The following TDRD7 variants were observed in gnomAD, a reference collection of about 807,000 sequenced individuals.
The protein encoded by TDRD7 is tudor domain containing 7.
A neutral mutation model predicts 109.8 loss-of-function variants in TDRD7; 47 were observed. The observed-to-expected ratio is 0.43, with a 90% CI of 0.34 to 0.55. The LOEUF (loss-of-function observed/expected upper bound fraction) is 0.55, where lower values mean the gene tolerates loss of function less well. TDRD7 is among the 20% of genes least tolerant of loss of function. TDRD7 has a pLI of 0.03. For missense variants in TDRD7, 1,164 were observed against 1,319.2 expected (o/e 0.88, Z 1.82); for synonymous variants, 424 against 457.3 (o/e 0.93, Z 0.93).
intron 1 of TDRD7, among the ~76,000 whole-genome samples, chr9:97,417,666 G>A (rs1827832651): frequency 6.6e-6 from 1 of 152,184 alleles, no homozygotes; most frequent in Non-Finnish European, 1.5e-5. Flanking sequence ...GTGAGCAGTG[G>A]CATTAAACTT....
intron 1 of TDRD7, among the ~76,000 whole-genome samples, chr9:97,427,523 C>G (rs1207129657): frequency 6.6e-6 from 1 of 152,216 alleles, no homozygotes; most frequent in Non-Finnish European, 1.5e-5. Context: ...GCTTAGACTT[C>G]TAACCTAATT....
At chr9:97,423,701 A>T (rs184530074) in intron 1 of TDRD7, among the ~76,000 whole-genome samples, 1 of 152,162 alleles carries the variant, frequency 6.6e-6, no homozygotes, top group African/African-American at 2.4e-5. Flanking sequence ...GCAAAATTTT[A>T]CATTTGTGTC....
intron 8 of TDRD7, among the ~76,000 whole-genome samples, chr9:97,467,096 A>G (rs1828832616): frequency 6.6e-6 from 1 of 152,130 alleles, no homozygotes; most frequent in Admixed American, 6.5e-5. Context: ...CTGGGTCTCT[A>G]GTTGATAGGA....
chr9:97,416,599 G>A (rs1827815205), intron 1 of TDRD7, among the ~76,000 whole-genome samples: 1 of 152,166 alleles, frequency 6.6e-6, no homozygotes, highest in African/African-American at 2.4e-5. Context: ...GAGTGGACAT[G>A]CTCAGAAATA....
At position 97,488,465 on chromosome 9, in the gene TDRD7, A is replaced by G. The variant is rs143278300; in HGVS notation, c.3076+1133A>G. On this transcript the variant is annotated intron_variant, in intron 16 of 16. Transcript: ENST00000355295. ...CTACTAGAATTCAAAGGCAAATCCT[A>G]TGGTAATTGGATATAAAGCAAAAAT... Among the ~76,000 whole-genome samples, 679 of 152,116 alleles carry G rather than the reference A, an allele frequency of 4.5e-3. 5 individuals are homozygous for G. Among genetic ancestry groups the G allele is most frequent in the Middle Eastern group, 0.027 (8 of 294 alleles).
intron 7 of TDRD7, among the ~76,000 whole-genome samples, chr9:97,461,889 C>T (rs1401440639): frequency 2.0e-5 from 3 of 152,144 alleles, no homozygotes; most frequent in Non-Finnish European, 4.4e-5. Context: ...AATTAGAATC[C>T]TTCAATGAAA....
intron 9 of TDRD7, among the ~76,000 whole-genome samples, chr9:97,470,901 A>G (rs1356460085): frequency 3.3e-5 from 5 of 152,218 alleles, no homozygotes. Context: ...TAAAAATTTC[A>G]GCCATCTTAA....
intron 7 of TDRD7, 63 bp downstream of exon 7, chr9:97,460,827 C>T: frequency 6.9e-7 from 1 of 1,449,570 alleles, no homozygotes; most frequent in Non-Finnish European, 9.6e-7. Flanking sequence ...CTATTCTTCA[C>T]ATGGATGTTG....
At chr9:97,451,176 G>C (rs912869688) in intron 6 of TDRD7, among the ~76,000 whole-genome samples, 5 of 152,246 alleles carry the variant, frequency 3.3e-5, no homozygotes, top group African/African-American at 1.2e-4. Flanking sequence ...CTGTAGGGTA[G>C]CAGAGAGGGC....
chr9:97,461,010 G>A (rs1373416170), intron 7 of TDRD7, among the ~76,000 whole-genome samples: 1 of 151,896 alleles, frequency 6.6e-6, no homozygotes, highest in Non-Finnish European at 1.5e-5. Flanking sequence ...GCGTGGTGGC[G>A]GGTGCCTGTA....
At chr9:97,433,028 T>C (rs1052267726) in intron 4 of TDRD7, among the ~76,000 whole-genome samples, 1 of 152,200 alleles carries the variant, frequency 6.6e-6, no homozygotes, top group African/African-American at 2.4e-5. Flanking sequence ...GTGGACCCTT[T>C]ACAGAAAAAG....
chr9:97,430,264 G>A (rs16920185), intron 2 of TDRD7, among the ~76,000 whole-genome samples: 6,696 of 152,138 alleles, frequency 0.044, 198 homozygotes, highest in African/African-American at 0.091. Flanking sequence ...TGGAAGCTCC[G>A]GAGACCCTGC....
intron 1 of TDRD7, among the ~76,000 whole-genome samples, chr9:97,415,919 A>G (rs1293361637): frequency 6.6e-6 from 1 of 152,256 alleles, no homozygotes; most frequent in Non-Finnish European, 1.5e-5. Flanking sequence ...ATCATGAGCC[A>G]CGTAACAAAA....
At chr9:97,472,232 C>A in intron 9 of TDRD7, 61 bp from the exon 10 acceptor site, 1 of 1,401,804 alleles carries the variant, frequency 7.1e-7, no homozygotes, top group Non-Finnish European at 1.0e-6. Flanking sequence ...CACAATCCAT[C>A]TATTCATCTT....
intron 2 of TDRD7, among the ~76,000 whole-genome samples, chr9:97,429,839 T>G (rs1250792355): frequency 6.6e-6 from 1 of 152,188 alleles, no homozygotes; most frequent in Non-Finnish European, 1.5e-5. Context: ...AATGAATGAA[T>G]AGCTGAATGA....
chr9:97,459,470 G>A (rs1828671967), intron 6 of TDRD7, among the ~76,000 whole-genome samples: 1 of 152,160 alleles, frequency 6.6e-6, no homozygotes, highest in African/African-American at 2.4e-5. Context: ...TTAAAACTCA[G>A]GGAGAAAAAT....
chr9:97,465,824 A>G (rs1828814225), intron 8 of TDRD7, among the ~76,000 whole-genome samples: 1 of 152,036 alleles, frequency 6.6e-6, no homozygotes, highest in Admixed American at 6.6e-5. Context: ...GAGGGAGAGA[A>G]AGTCTTTTCT....
intron 12 of TDRD7, among the ~76,000 whole-genome samples, chr9:97,477,353 C>A (rs1436721783): frequency 6.6e-6 from 1 of 152,168 alleles, no homozygotes; most frequent in Non-Finnish European, 1.5e-5. Context: ...CCCACATTGT[C>A]TTTAGTTGTC....
At position 97,441,929 on chromosome 9, in the gene TDRD7, GA is replaced by G. The variant is rs1828314009; in HGVS notation, c.855+55del. ...ATACCTCCTCCCTGCCCAACTTTGAGATCTTGAGTTATTAGTCATATCACCT... is the reference window on the plus strand; with the variant it reads ...ATACCTCCTCCCTGCCCAACTTTGAGTCTTGAGTTATTAGTCATATCACCT... On this transcript the variant is annotated intron_variant, in intron 6 of 16. Coordinates refer to ENST00000355295, the MANE Select transcript of TDRD7 (RefSeq NM_014290.3). 6 of 1,451,722 alleles carry G rather than the reference GA, an allele frequency of 4.1e-6. No individual in the cohort carries two copies. In the East Asian group the frequency reaches 1.4e-4, roughly 33 times the overall value. 89.9% of individuals were successfully genotyped at this position (1,451,722 alleles called of 1,614,324 possible). A position where few individuals can be genotyped will look rare whatever the true frequency, so the allele number is the denominator to read the frequency against.
Sources: gnomAD v4.1 joint callset for allele counts (sites outside exome capture counted in the v4.1 genomes callset) on GRCh38, gnomAD v4.1.1 for gene constraint, MANE v1.5 for transcripts, NCBI Gene and HGNC (gene_info 2026-07-23, HGNC 2026-07-21) for gene names.